The following FOXN3 variants were observed in gnomAD, a reference collection of about 807,000 sequenced individuals.
FOXN3 encodes forkhead box N3.
A neutral mutation model predicts 38.4 loss-of-function variants in FOXN3; 7 were observed. The ratio of observed to expected loss-of-function variants is 0.18; its 90% confidence interval spans 0.10 to 0.34. FOXN3 has a LOEUF of 0.34. FOXN3 is among the 10% of genes least tolerant of loss of function. FOXN3 has a pLI of 1.00. For synonymous variants in FOXN3, 230 were observed against 242.2 expected (o/e 0.95, Z 0.47); for missense variants, 456 against 613.4 (o/e 0.74, Z 2.71).
chr14:89,546,281 A>C (rs1480481021), intron 1 of FOXN3, among the ~76,000 whole-genome samples: 2 of 150,916 alleles, frequency 1.3e-5, no homozygotes, highest in Non-Finnish European at 3.0e-5. Context: ...TGGAAAAATT[A>C]AGAGGAAATG....
intron 4 of FOXN3, among the ~76,000 whole-genome samples, chr14:89,270,738 C>A (rs548045194): frequency 6.6e-6 from 1 of 152,256 alleles, no homozygotes; most frequent in South Asian, 2.1e-4. Flanking sequence ...CATCATCAAT[C>A]CTCATAGTAA....
In FOXN3 at chr14:89,360,266, A is replaced by G. The variant is rs528413182; in HGVS notation, c.544-9458T>C. Among the ~76,000 whole-genome samples the G allele has an allele frequency of 3.3e-5, 5 of 150,780 alleles. No homozygotes were observed. The East Asian group carries it at 9.8e-4, about 30-fold the overall frequency. ...CCCCTAAAGGAGGAAGGAGAGAGGG[A>G]AAGAGGGAGGGATGAGAGAGGAAGA... On this transcript the variant is annotated intron_variant, in intron 2 of 5. Coordinates refer to ENST00000557258, the MANE Select transcript of FOXN3 (RefSeq NM_005197.4).
At chr14:89,309,674 C>G (rs1408268415) in intron 3 of FOXN3, among the ~76,000 whole-genome samples, 1 of 152,190 alleles carries the variant, frequency 6.6e-6, no homozygotes, top group African/African-American at 2.4e-5. Context: ...CCACAGCCAG[C>G]CAAGGCCCGG....
chr14:89,285,412 A>G (rs1447367343), intron 3 of FOXN3, among the ~76,000 whole-genome samples: 3 of 151,982 alleles, frequency 2.0e-5, no homozygotes, highest in Non-Finnish European at 4.4e-5. Flanking sequence ...CCAGCTACTC[A>G]GGAGGCTAAG....
chr14:89,419,267 A>G (rs1891842878), upstream of FOXN3: 2 of 449,124 alleles, frequency 4.5e-6, no homozygotes, highest in Non-Finnish European at 9.0e-6. Flanking sequence ...TCTATCTGAA[A>G]TGGGGGAAAA....
chr14:89,446,377 C>A (rs895120508), intron 1 of FOXN3, among the ~76,000 whole-genome samples: 1 of 151,638 alleles, frequency 6.6e-6, no homozygotes, highest in Non-Finnish European at 1.5e-5. Flanking sequence ...TTGGTAGAGA[C>A]GGGGTTTCAC....
chr14:89,581,898 A>G (rs1269123756), intron 1 of FOXN3, among the ~76,000 whole-genome samples: 1 of 152,166 alleles, frequency 6.6e-6, no homozygotes, highest in Non-Finnish European at 1.5e-5. Context: ...AAAAAGTCTG[A>G]GTTGGGGTTG....
chr14:89,183,860 T>A (rs1356945131), intron 4 of FOXN3: 4 of 152,186 alleles, frequency 2.6e-5, no homozygotes, highest in Non-Finnish European at 5.9e-5. Flanking sequence ...TAGGTCTACA[T>A]CTCATCTCTG....
chr14:89,316,325 G>A lies in FOXN3; in HGVS notation c.680+34347C>T, dbSNP rs185202724. On this transcript the variant is annotated intron_variant, in intron 3 of 5. Transcript: ENST00000557258. ...AGCTAACACCACAAGGAATAGAGATGAGCCATTCAAGCTGAGCCAACATAC... is the reference window on the plus strand; with the variant it reads ...AGCTAACACCACAAGGAATAGAGATAAGCCATTCAAGCTGAGCCAACATAC... Among the ~76,000 whole-genome samples, 84 of 152,146 alleles carry A rather than the reference G, an allele frequency of 5.5e-4. 1 individual carries two copies. Among genetic ancestry groups the A allele is most frequent in the African/African-American group, 1.9e-3 (80 of 41,520 alleles).
chr14:89,526,589 C>T (rs2139829161), intron 1 of FOXN3, among the ~76,000 whole-genome samples: 1 of 152,192 alleles, frequency 6.6e-6, no homozygotes, highest in African/African-American at 2.4e-5. Flanking sequence ...CAAAACATTA[C>T]TGAAAGAAAT....
At chr14:89,409,877 G>T (rs1403927938) in intron 2 of FOXN3, among the ~76,000 whole-genome samples, 2 of 152,164 alleles carry the variant, frequency 1.3e-5, no homozygotes, top group Non-Finnish European at 2.9e-5. Context: ...GAGGGAAGGA[G>T]AAAGAGCTTC....
intron 1 of FOXN3, among the ~76,000 whole-genome samples, chr14:89,572,769 T>G (rs1895520686): frequency 6.6e-6 from 1 of 152,266 alleles, no homozygotes; most frequent in Non-Finnish European, 1.5e-5. Context: ...AGAGTCCTCC[T>G]GCCAGCTGGC....
chr14:89,495,534 C>T (rs1022170532), intron 1 of FOXN3, among the ~76,000 whole-genome samples: 3 of 152,134 alleles, frequency 2.0e-5, no homozygotes, highest in Non-Finnish European at 4.4e-5. Flanking sequence ...CAGTAGAAAA[C>T]CTAGTCTTCA....
At chr14:89,174,057 G>GA (rs1412148333) in intron 5 of FOXN3, among the ~76,000 whole-genome samples, 1 of 152,024 alleles carries the variant, frequency 6.6e-6, no homozygotes, top group Non-Finnish European at 1.5e-5. Flanking sequence ...TGAACACTAC[G>GA]AAGAATGATA....
chr14:89,529,180 T>C (rs1457848870), intron 1 of FOXN3, among the ~76,000 whole-genome samples: 1 of 152,114 alleles, frequency 6.6e-6, no homozygotes, highest in Non-Finnish European at 1.5e-5. Flanking sequence ...CTTCTGAAAA[T>C]CATACATAGG....
intron 1 of FOXN3, among the ~76,000 whole-genome samples, chr14:89,521,504 T>A (rs1894318233): frequency 6.6e-6 from 1 of 152,138 alleles, no homozygotes; most frequent in Admixed American, 6.5e-5. Flanking sequence ...TAGATACCTC[T>A]GAGACTATTT....
rs878966868 is a variant in FOXN3 at position 89,412,219 on chromosome 14, G to A, written c.258C>T (p.Pro86=). 54 of 1,613,912 alleles carry A rather than the reference G, an allele frequency of 3.3e-5. No homozygotes were observed. The highest frequency in any genetic ancestry group is 4.3e-5 in the Non-Finnish European group (51 of 1,180,014). Residue 86 remains proline, a synonymous_variant, in exon 2 of 6, where the codon CCC becomes CCT. Transcript: ENST00000557258. This position sits in a 1 kb window ranked among gnomAD's most constrained non-coding sequence, Gnocchi z 4.7. The stretch of plus-strand genomic sequence containing the variant: ...GGGTGTCATCGTCCAGGTCCTGGAC[G>A]GGGCTGACACTCCTGAGGACCGACT... The part of the protein sequence containing the change: ...FGESVLRSVS[P]VQDLDDDTPP...
At chr14:89,211,982 A>G (rs1324684375) in intron 4 of FOXN3, among the ~76,000 whole-genome samples, 3 of 152,128 alleles carry the variant, frequency 2.0e-5, no homozygotes, top group East Asian at 1.9e-4. Flanking sequence ...TCGTGGCCCT[A>G]TAAGAGTAGC....
chr14:89,452,537 C>A (rs1036154948), intron 1 of FOXN3, among the ~76,000 whole-genome samples: 2 of 152,212 alleles, frequency 1.3e-5, no homozygotes, highest in African/African-American at 4.8e-5. Context: ...AATGCGTGCT[C>A]TAAAGCCTGC....
Sources: gnomAD v4.1 joint callset for allele counts (sites outside exome capture counted in the v4.1 genomes callset) on GRCh38, gnomAD v4.1.1 for gene constraint, Gnocchi (gnomAD v3.1) non-coding constraint, MANE v1.5 for transcripts, NCBI Gene and HGNC (gene_info 2026-07-23, HGNC 2026-07-21) for gene names.